The following MYT1 variants were observed in gnomAD, a reference collection of about 807,000 sequenced individuals.
MYT1 encodes the protein myelin transcription factor 1.
Under a neutral mutation model 123.0 loss-of-function variants are expected in MYT1, and 23 were observed. The ratio of observed to expected loss-of-function variants is 0.19; its 90% CI spans 0.13 to 0.26. The LOEUF is 0.26. MYT1 is among the 10% of genes least tolerant of loss of function. MYT1 has a pLI of 1.00. For missense variants in MYT1, 1,125 were observed against 1,472.5 expected (o/e 0.76, Z 3.86); for synonymous variants, 518 against 575.3 (o/e 0.90, Z 1.43).
At chr20:64,223,460 A>T (rs537558981) in intron 16 of MYT1, 101 bp downstream of exon 16, 38 of 1,333,240 alleles carry the variant, frequency 2.9e-5, no homozygotes, top group Non-Finnish European at 4.1e-5. Flanking sequence ...CAAGGTGCCA[A>T]GCCTCAGCTG....
intron 7 of MYT1, among the ~76,000 whole-genome samples, chr20:64,210,203 G>A (rs1456944934): frequency 6.6e-6 from 1 of 152,202 alleles, no homozygotes; most frequent in Non-Finnish European, 1.5e-5. Context: ...CTGCCTTCAG[G>A]GATAGATTTT....
intron 2 of MYT1, among the ~76,000 whole-genome samples, chr20:64,195,353 A>AGTGTGT (rs1983079258): frequency 9.9e-6 from 1 of 100,856 alleles, no homozygotes; most frequent in Non-Finnish European, 2.0e-5. Flanking sequence ...CATGGTGAGA[A>AGTGTGT]CTGTGTGTGT....
Position 64,240,391 on chromosome 20 carries a change from G to A in MYT1, c.3309G>A (p.Pro1103=), listed in dbSNP as rs748911746. 5.8e-5 allele frequency: 93 copies of A among 1,613,870 alleles called. No individual in the cohort carries two copies. The highest frequency in any genetic ancestry group is 1.7e-4 in the Middle Eastern group (1 of 6,054). ...CCGACATGTACTCCAACCAGGACCCGGAGAACAAGGACCTCCTGGAGAGCA... is the reference window on the plus strand; with the variant it reads ...CCGACATGTACTCCAACCAGGACCCAGAGAACAAGGACCTCCTGGAGAGCA... The part of the protein sequence containing the change: ...TLTDMYSNQD[P]ENKDLLESIK... The change falls in exon 23 of 23, where the codon CCG becomes CCA. Residue 1103 remains proline, a synonymous_variant. Coordinates refer to ENST00000328439, the MANE Select transcript of MYT1 (RefSeq NM_004535.3).
chr20:64,234,092 A>T (rs1253066225), intron 19 of MYT1, among the ~76,000 whole-genome samples: 2 of 152,230 alleles, frequency 1.3e-5, no homozygotes, highest in African/African-American at 4.8e-5. Context: ...GCAGAGACTT[A>T]TGCTGGGCTT....
At chr20:64,170,874 TATATATATATAGAGAGAGAGAGAG>T (rs1982240492) in intron 1 of MYT1, among the ~76,000 whole-genome samples, 1 of 62,542 alleles carries the variant, frequency 1.6e-5, no homozygotes, top group African/African-American at 7.1e-5. Flanking sequence ...TATATATATA[TATATATATATAGAGAGAGAGAGAG>T]AGAGAGAGAG....
chr20:64,220,266 G>A (rs957281145), intron 13 of MYT1, among the ~76,000 whole-genome samples: 23 of 152,246 alleles, frequency 1.5e-4, no homozygotes, highest in African/African-American at 2.9e-4. Context: ...CAGCACCAAC[G>A]TGGGCACTGT....
At position 64,202,344 on chromosome 20, in the gene MYT1, G is replaced by A. The variant is rs1383653106; in HGVS notation, c.86+2422G>A. ...CTTTCACCCCATCGGGAGAACTGAT[G>A]ACGTTTCAGCTTGTATTTTTGCCTG... On this transcript the variant is annotated intron_variant, in intron 4 of 22. Coordinates refer to ENST00000328439, the MANE Select transcript of MYT1 (RefSeq NM_004535.3). The surrounding 1 kb of genome is among the most constrained non-coding windows in gnomAD (Gnocchi z 5.0). 6.6e-6 allele frequency among the ~76,000 whole-genome samples: 1 copy of A among 152,172 alleles called. No homozygotes were observed. The highest frequency in any genetic ancestry group is 1.5e-5 in the Non-Finnish European group (1 of 68,044).
Position 64,205,112 on chromosome 20 carries a change from G to C in MYT1, c.149+15G>C. On this transcript the variant is annotated intron_variant, in intron 5 of 22. Coordinates refer to ENST00000328439, the MANE Select transcript of MYT1 (RefSeq NM_004535.3). ...AGGCACCGAAGGTAAGAGGACCCTT[G>C]GATCTCACGGAGATTCCTGGGCGGT... 1.9e-6 allele frequency: 3 copies of C among 1,613,742 alleles called. No individual in the cohort carries two copies. Among genetic ancestry groups the C allele is most frequent in the Non-Finnish European group, 2.5e-6 (3 of 1,179,822 alleles).
chr20:64,220,800 ATGAAGGGTGGGGG>A (rs1983978934), intron 13 of MYT1, among the ~76,000 whole-genome samples: 2 of 107,356 alleles, frequency 1.9e-5, no homozygotes, highest in African/African-American at 6.2e-5. Context: ...CTAGGCCCCT[ATGAAGGGTGGGGG>A]CTGGATCAGG....
chr20:64,234,387 G>A (rs985380066), intron 19 of MYT1, among the ~76,000 whole-genome samples: 2 of 152,154 alleles, frequency 1.3e-5, no homozygotes, highest in African/African-American at 2.4e-5. Flanking sequence ...TGAGAGCAAC[G>A]GTGCCCTGGC....
intron 16 of MYT1, among the ~76,000 whole-genome samples, chr20:64,224,075 C>T (rs62219698): frequency 0.13 from 20,400 of 152,238 alleles, 1,435 homozygotes; most frequent in South Asian, 0.19. Context: ...GGGACTGTTA[C>T]TGCCTTTGGT....
chr20:64,235,643 T>C (rs1335184748), intron 19 of MYT1, among the ~76,000 whole-genome samples: 19 of 131,972 alleles, frequency 1.4e-4, no homozygotes, highest in Middle Eastern at 4.6e-3. Context: ...GGGCTGGCCG[T>C]GGTGGGTGAC....
chr20:64,173,491 T>C (rs975132822), intron 1 of MYT1, among the ~76,000 whole-genome samples: 1 of 131,590 alleles, frequency 7.6e-6, no homozygotes, highest in Non-Finnish European at 1.6e-5. Flanking sequence ...CATCCTTCCC[T>C]TTAGTTGTGT....
rs933751656 is a variant in MYT1, at chr20:64,167,904, C to G, written c.-99+3165C>G. ...ACCAGCATCATTAGATTAGTCAGAC[C>G]GAGAAACGCCGTGTTTCCCAGAAGG... On this transcript the variant is annotated intron_variant, in intron 1 of 22. Coordinates refer to ENST00000328439, the MANE Select transcript of MYT1 (RefSeq NM_004535.3). This position sits in a 1 kb window ranked among gnomAD's most constrained non-coding sequence, Gnocchi z 6.3. Among the ~76,000 whole-genome samples the G allele has an allele frequency of 6.6e-6, 1 of 152,222 alleles. No homozygotes were observed. The highest frequency in any genetic ancestry group is 2.4e-5 in the African/African-American group (1 of 41,458).
At chr20:64,214,903 C>T (rs921083030) in intron 10 of MYT1, among the ~76,000 whole-genome samples, 3 of 152,256 alleles carry the variant, frequency 2.0e-5, no homozygotes, top group African/African-American at 7.2e-5. Flanking sequence ...CATGCCCAGG[C>T]CCTTCCCTGG....
In MYT1 at chr20:64,232,072, T is replaced by C. The variant is rs1190334095; in HGVS notation, c.2676-92T>C. 2.3e-6 allele frequency: 3 copies of C among 1,322,908 alleles called. No individual in the cohort carries two copies. The highest frequency in any genetic ancestry group is 2.9e-5 in the African/African-American group (2 of 68,740). 81.9% of individuals were successfully genotyped at this position (1,322,908 alleles called of 1,614,324 possible). A position where few individuals can be genotyped will look rare whatever the true frequency, so the allele number is the denominator to read the frequency against. On this transcript the variant is annotated intron_variant, in intron 18 of 22. Transcript: ENST00000328439. This position sits in a 1 kb window ranked among gnomAD's most constrained non-coding sequence, Gnocchi z 6.9. The stretch of plus-strand genomic sequence containing the variant: ...TCAGAAGCCCTTTAACGGCTCTGAG[T>C]TGGGCTCCCCTTGTGTCTGGCTTGA...
intron 16 of MYT1, among the ~76,000 whole-genome samples, chr20:64,224,165 C>T (rs543398821): frequency 1.4e-5 from 2 of 147,948 alleles, no homozygotes; most frequent in South Asian, 2.1e-4. Context: ...GCACCGGGGC[C>T]GAGCTGAGGC....
intron 16 of MYT1, among the ~76,000 whole-genome samples, chr20:64,226,945 C>T (rs1275331413): frequency 6.6e-6 from 1 of 152,246 alleles, no homozygotes; most frequent in Admixed American, 6.5e-5. Context: ...AGGGCAAGCT[C>T]CCAGCCCATC....
chr20:64,220,033 C>G (rs1287042089), intron 13 of MYT1, 51 bp downstream of exon 13: 1 of 1,430,708 alleles, frequency 7.0e-7, no homozygotes, highest in Non-Finnish European at 9.2e-7. Context: ...CCAGCTTGCC[C>G]TGCCTGAGGC....
Sources: gnomAD v4.1 joint callset for allele counts (sites outside exome capture counted in the v4.1 genomes callset) on GRCh38, gnomAD v4.1.1 for gene constraint, Gnocchi (gnomAD v3.1) non-coding constraint, MANE v1.5 for transcripts, NCBI Gene and HGNC (gene_info 2026-07-23, HGNC 2026-07-21) for gene names.